Variants in GRIP1 observed in about 807,000 individuals in gnomAD.
GRIP1 encodes the protein glutamate receptor-interacting protein 1.
Under a neutral mutation model 129.9 loss-of-function variants are expected in GRIP1, and 45 were observed. The observed-to-expected ratio is 0.35, with a 90% confidence interval of 0.27 to 0.44. The LOEUF (loss-of-function observed/expected upper bound fraction) is 0.44. Ranked by LOEUF, GRIP1 falls within the 20% of genes least tolerant of loss-of-function variation. The pLI is 1.00. For missense variants in GRIP1, 1,196 were observed against 1,396.8 expected (o/e 0.86, Z 2.29); for synonymous variants, 530 against 520.8 (o/e 1.02, Z -0.24).
intron 1 of GRIP1, among the ~76,000 whole-genome samples, chr12:66,821,402 T>C (rs1446759864): frequency 6.6e-6 from 1 of 152,206 alleles, no homozygotes; most frequent in Non-Finnish European, 1.5e-5. Flanking sequence ...TATATCTTTA[T>C]GTTACCATGA....
intron 1 of GRIP1, among the ~76,000 whole-genome samples, chr12:66,655,252 A>T (rs556918184): frequency 5.0e-4 from 76 of 152,304 alleles, no homozygotes; most frequent in Admixed American, 1.8e-3. Context: ...GTTCTTATAC[A>T]CTATTACTTT....
intron 1 of GRIP1, among the ~76,000 whole-genome samples, chr12:66,669,272 C>T (rs1168998614): frequency 6.6e-6 from 1 of 152,036 alleles, no homozygotes; most frequent in Admixed American, 6.6e-5. Context: ...CCTGTAATCC[C>T]AGCTACTCGG....
At chr12:66,747,211 G>A (rs2036976672) in intron 1 of GRIP1, among the ~76,000 whole-genome samples, 1 of 151,548 alleles carries the variant, frequency 6.6e-6, no homozygotes. Flanking sequence ...AGAATATAAG[G>A]GATTAAAAAA....
intron 9 of GRIP1, among the ~76,000 whole-genome samples, chr12:66,458,526 A>G (rs946306030): frequency 6.6e-6 from 1 of 152,182 alleles, no homozygotes; most frequent in Non-Finnish European, 1.5e-5. Context: ...CTGGGATTAT[A>G]GGTGCCCACC....
At chr12:66,517,831 A>C (rs1026617554) in intron 6 of GRIP1, 70 bp downstream of exon 6, 3 of 828,958 alleles carry the variant, frequency 3.6e-6, no homozygotes, top group African/African-American at 1.7e-5. Context: ...CTAATTTATC[A>C]ACTTCTATGT....
At chr12:66,881,920 T>G (rs1055033636) in intron 1 of GRIP1, among the ~76,000 whole-genome samples, 1 of 152,216 alleles carries the variant, frequency 6.6e-6, no homozygotes, top group Non-Finnish European at 1.5e-5. Context: ...GAATGCCTGG[T>G]ACAAACCAAG....
intron 1 of GRIP1, among the ~76,000 whole-genome samples, chr12:66,840,534 G>A (rs1021667523): frequency 2.0e-5 from 3 of 152,178 alleles, no homozygotes; most frequent in South Asian, 2.1e-4. Context: ...TGAGGCATAT[G>A]TAAAAATTCT....
intron 1 of GRIP1, among the ~76,000 whole-genome samples, chr12:66,774,156 C>T (rs1444528136): frequency 6.6e-6 from 1 of 152,102 alleles, no homozygotes; most frequent in Non-Finnish European, 1.5e-5. Flanking sequence ...CTTTCAGGGC[C>T]ACCATATACT....
At chr12:66,499,672 A>C (rs2060335149) in intron 7 of GRIP1, among the ~76,000 whole-genome samples, 1 of 152,146 alleles carries the variant, frequency 6.6e-6, no homozygotes. Flanking sequence ...GAGTTATTAG[A>C]ATAGAGGTAT....
chr12:66,784,993 G>A lies in GRIP1; in HGVS notation c.-420+19060C>T, dbSNP rs1225152208. 3.9e-5 allele frequency among the ~76,000 whole-genome samples: 6 copies of A among 152,044 alleles called. No individual in the cohort carries two copies. The East Asian group carries it at 9.6e-4, about 24-fold the overall frequency. On this transcript the variant is annotated intron_variant, in intron 1 of 4. Coordinates refer to the GRIP1 transcript ENST00000538373. ...TACAGTAGGACTACCACTACCTTCC[G>A]TGTTCTGGCTCTCTTTCTTATCACA...
At chr12:66,583,245 C>G (rs1364498074) in intron 2 of GRIP1, among the ~76,000 whole-genome samples, 1 of 150,930 alleles carries the variant, frequency 6.6e-6, no homozygotes, top group Non-Finnish European at 1.5e-5. Flanking sequence ...ACACCTTACA[C>G]AAAAATTAAT....
intron 5 of GRIP1, among the ~76,000 whole-genome samples, chr12:66,528,697 C>G (rs1362941206): frequency 6.6e-6 from 1 of 152,076 alleles, no homozygotes; most frequent in Non-Finnish European, 1.5e-5. Flanking sequence ...AAAGGAAAGA[C>G]AAAAGACATG....
intron 1 of GRIP1, among the ~76,000 whole-genome samples, chr12:66,796,161 TCC>T (rs2038691105): frequency 6.6e-6 from 1 of 152,014 alleles, no homozygotes; most frequent in Non-Finnish European, 1.5e-5. Flanking sequence ...GCAACAGCAG[TCC>T]TGCAAAATAA....
chr12:66,847,191 G>A (rs2039833263), intron 1 of GRIP1, among the ~76,000 whole-genome samples: 1 of 152,094 alleles, frequency 6.6e-6, no homozygotes, highest in Non-Finnish European at 1.5e-5. Context: ...TCCTAAAAGT[G>A]TCCCAGCTGT....
intron 23 of GRIP1, among the ~76,000 whole-genome samples, chr12:66,366,380 A>T (rs996134225): frequency 6.6e-6 from 1 of 152,238 alleles, no homozygotes; most frequent in African/African-American, 2.4e-5. Flanking sequence ...CAACTTTATC[A>T]TATCAAGCAG....
At chr12:66,531,258 T>A (rs1196186562) in intron 4 of GRIP1, among the ~76,000 whole-genome samples, 61 of 5,088 alleles carry the variant, frequency 0.012, no homozygotes, top group African/African-American at 0.046. Flanking sequence ...AAAAAATATA[T>A]ATATATATAT....
At chr12:66,607,705 G>T (rs571468863) in intron 1 of GRIP1, among the ~76,000 whole-genome samples, 1 of 152,284 alleles carries the variant, frequency 6.6e-6, no homozygotes, top group South Asian at 2.1e-4. Context: ...TGGCAGAGGT[G>T]CTGCCACCTC....
chr12:67,031,952 T>G (rs1240619693), intron 1 of GRIP1, among the ~76,000 whole-genome samples: 1 of 152,164 alleles, frequency 6.6e-6, no homozygotes, highest in East Asian at 1.9e-4. Flanking sequence ...TCTTCCCTCC[T>G]CCGTGCCTTG....
intron 1 of GRIP1, among the ~76,000 whole-genome samples, chr12:67,006,700 C>A (rs2042632325): frequency 6.6e-6 from 1 of 152,200 alleles, no homozygotes; most frequent in African/African-American, 2.4e-5. Context: ...CAGAAGGGAG[C>A]AGGCTCCAAA....
Sources: allele counts gnomAD v4.1 joint callset (sites outside exome capture counted in the v4.1 genomes callset), GRCh38; gene constraint gnomAD v4.1.1; transcripts MANE v1.5; gene names NCBI Gene and HGNC (gene_info 2026-07-23, HGNC 2026-07-21).